NAV3: variants seen among roughly 807,000 people sequenced by gnomAD.
NAV3 encodes pore membrane and/or filament interacting like protein 1.
A neutral mutation model predicts 244.7 loss-of-function variants in NAV3; 87 were observed. That is an observed-to-expected ratio of 0.36 (90% CI 0.30 to 0.42). The LOEUF is 0.42. NAV3 is among the 20% of genes least tolerant of loss of function. The pLI is 1.00. For missense variants in NAV3, 2,663 were observed against 2,893.3 expected (o/e 0.92, Z 1.83); for synonymous variants, 1,126 against 1,042.2 (o/e 1.08, Z -1.55).
At chr12:77,890,969 G>A (rs919133967) in intron 1 of NAV3, among the ~76,000 whole-genome samples, 1 of 151,898 alleles carries the variant, frequency 6.6e-6, no homozygotes, top group Non-Finnish European at 1.5e-5. Flanking sequence ...TAGACAAAAG[G>A]TAATTCTCCA....
chr12:77,620,244 G>C (rs1038314984), intron 2 of NAV3, among the ~76,000 whole-genome samples: 1 of 152,046 alleles, frequency 6.6e-6, no homozygotes, highest in African/African-American at 2.4e-5. Flanking sequence ...CTTTATAATA[G>C]GGTTTTATGA....
intron 2 of NAV3, among the ~76,000 whole-genome samples, chr12:77,748,810 G>T (rs1252418074): frequency 3.3e-5 from 5 of 152,148 alleles, no homozygotes; most frequent in Admixed American, 3.3e-4. Context: ...GTACAGCATG[G>T]TGACTCTAGT....
intron 22 of NAV3, among the ~76,000 whole-genome samples, chr12:78,150,902 T>A (rs1957057744): frequency 6.6e-6 from 1 of 151,850 alleles, no homozygotes; most frequent in Non-Finnish European, 1.5e-5. Flanking sequence ...TGAAAACAGG[T>A]TCTTGCATTT....
At chr12:78,181,751 G>A (rs959682401) in intron 30 of NAV3, among the ~76,000 whole-genome samples, 2 of 151,978 alleles carry the variant, frequency 1.3e-5, no homozygotes, top group African/African-American at 4.8e-5. Flanking sequence ...ACCAGATGAC[G>A]CTTGGAAACC....
chr12:77,654,121 G>A (rs906719974), intron 2 of NAV3, among the ~76,000 whole-genome samples: 9 of 152,158 alleles, frequency 5.9e-5, no homozygotes, highest in Admixed American at 2.0e-4. Context: ...GTGGGTGCAC[G>A]CACCGTGCGT....
intron 1 of NAV3, among the ~76,000 whole-genome samples, chr12:77,848,548 T>TTTAC: frequency 6.6e-6 from 1 of 152,320 alleles, no homozygotes; most frequent in East Asian, 1.9e-4. Flanking sequence ...TTCCAAGTGT[T>TTTAC]TTACTCCAAA....
chr12:78,086,417 G>A (rs1001348589), intron 12 of NAV3, among the ~76,000 whole-genome samples: 11 of 152,010 alleles, frequency 7.2e-5, no homozygotes, highest in Admixed American at 1.3e-4. Flanking sequence ...AACATATGCA[G>A]CATTTTAAGT....
intron 1 of NAV3, among the ~76,000 whole-genome samples, chr12:77,865,743 T>TATATATATGCATATACACATATACTAC (rs1332199142): frequency 6.6e-6 from 1 of 151,688 alleles, no homozygotes; most frequent in Admixed American, 6.6e-5. Flanking sequence ...TCTCTCTACA[T>TATATATATGCATATACACATATACTAC]ATATATATGC....
At chr12:78,098,817 G>A (rs1054155480) in intron 12 of NAV3, among the ~76,000 whole-genome samples, 2 of 151,566 alleles carry the variant, frequency 1.3e-5, no homozygotes, top group African/African-American at 2.4e-5. Flanking sequence ...AATAAAATTA[G>A]CTAAGTAAGT....
intron 26 of NAV3, 26 bp downstream of exon 26, chr12:78,176,485 G>T (rs776242824): frequency 5.0e-6 from 8 of 1,611,484 alleles, no homozygotes; most frequent in South Asian, 1.1e-5. Flanking sequence ...GGACAATTTG[G>T]CATGCATCTA....
At chr12:78,154,906 C>T (rs1410178463) in intron 22 of NAV3, among the ~76,000 whole-genome samples, 2 of 151,904 alleles carry the variant, frequency 1.3e-5, no homozygotes, top group African/African-American at 4.8e-5. Flanking sequence ...CCTTATTTGC[C>T]TCCTTTTCCA....
intron 1 of NAV3, among the ~76,000 whole-genome samples, chr12:77,922,770 C>G (rs1887832730): frequency 1.3e-5 from 2 of 152,126 alleles, no homozygotes; most frequent in Non-Finnish European, 2.9e-5. Context: ...CCAAAAAATA[C>G]TCTTAAACTG....
In NAV3 at chr12:77,805,158, T is replaced by C. The variant is rs918721328; in HGVS notation, c.73-135161T>C. ...TCTTTTCCTACTTGAATACCCTTTA[T>C]TTCTTTCTCTTGCCTGATTGTCCTG... On this transcript the variant is annotated intron_variant, in intron 2 of 8. Transcript: ENST00000550042. Among the ~76,000 whole-genome samples, 12 of 152,326 alleles carry C rather than the reference T, an allele frequency of 7.9e-5. No homozygotes were observed. In the South Asian group the frequency reaches 2.5e-3, roughly 32 times the overall value.
chr12:77,735,536 T>C (rs1053797569), intron 2 of NAV3, among the ~76,000 whole-genome samples: 7 of 152,170 alleles, frequency 4.6e-5, no homozygotes, highest in Non-Finnish European at 1.0e-4. Flanking sequence ...TTCTTCCTTT[T>C]AGTTTGATTA....
chr12:77,675,559 G>C (rs925402030), intron 2 of NAV3, among the ~76,000 whole-genome samples: 1 of 152,124 alleles, frequency 6.6e-6, no homozygotes, highest in East Asian at 1.9e-4. Flanking sequence ...TGAATAGCTG[G>C]AGACTGCACC....
At chr12:77,968,851 A>C in intron 5 of NAV3, 149 bp downstream of exon 5, 2 of 744,584 alleles carry the variant, frequency 2.7e-6, no homozygotes. Flanking sequence ...TAGAAACTAA[A>C]ACCACTCTTG....
intron 2 of NAV3, among the ~76,000 whole-genome samples, chr12:77,799,803 C>A (rs748749565): frequency 1.5e-4 from 23 of 152,074 alleles, no homozygotes; most frequent in South Asian, 4.2e-4. Flanking sequence ...ACAAATGTTA[C>A]ATATGTGGAT....
chr12:77,676,276 G>T (rs1357699770), intron 2 of NAV3, among the ~76,000 whole-genome samples: 1 of 151,762 alleles, frequency 6.6e-6, no homozygotes, highest in African/African-American at 2.4e-5. Flanking sequence ...GCCCCATTGT[G>T]CTAGCTTTAA....
chr12:78,079,667 A>C (rs1953246782), intron 12 of NAV3, among the ~76,000 whole-genome samples: 1 of 152,202 alleles, frequency 6.6e-6, no homozygotes, highest in African/African-American at 2.4e-5. Flanking sequence ...CTTCTTTACA[A>C]ATAAGACAAT....
Sources: gnomAD v4.1 joint callset for allele counts (sites outside exome capture counted in the v4.1 genomes callset) on GRCh38, gnomAD v4.1.1 for gene constraint, MANE v1.5 for transcripts, NCBI Gene and HGNC (gene_info 2026-07-23, HGNC 2026-07-21) for gene names.